The following SERINC1 variants were observed in gnomAD, a reference collection of about 807,000 sequenced individuals.
SERINC1 encodes tumor differentially expressed protein 2.
SERINC1 carries 38 observed loss-of-function variants against 52.9 expected under a neutral mutation model. The ratio of observed to expected loss-of-function variants is 0.72; its 90% CI spans 0.55 to 0.94. The LOEUF (loss-of-function observed/expected upper bound fraction) is 0.94, where lower values mean the gene tolerates loss of function less well. SERINC1 is among the 40% of genes least tolerant of loss of function. The pLI, the probability that SERINC1 is intolerant of heterozygous loss-of-function variation, is 0.00. For synonymous variants in SERINC1, 198 were observed against 183.1 expected, an observed-to-expected ratio of 1.08 and a Z score of -0.66; for missense variants, 471 against 533.9, an observed-to-expected ratio of 0.88 and a Z score of 1.16.
chr6:122,453,721 C>T (rs761094286), intron 5 of SERINC1, 49 bp downstream of exon 5: 22 of 1,491,772 alleles, frequency 1.5e-5, no homozygotes, highest in African/African-American at 4.2e-5. Context: ...TATCTATTCT[C>T]GACTTCAAAG....
chr6:122,464,445 G>A (rs996350626), intron 1 of SERINC1, among the ~76,000 whole-genome samples: 2 of 152,108 alleles, frequency 1.3e-5, no homozygotes, highest in Non-Finnish European at 2.9e-5. Flanking sequence ...GACTTATCTG[G>A]TTATTTAATT....
At chr6:122,457,900 A>G (rs144059772) in intron 2 of SERINC1, among the ~76,000 whole-genome samples, 2 of 151,662 alleles carry the variant, frequency 1.3e-5, no homozygotes, top group South Asian at 4.2e-4. Context: ...TCCTTCCACA[A>G]CCTGACTCTC....
chr6:122,458,445 C>A (rs1775039285), intron 2 of SERINC1, 75 bp downstream of exon 2: 1 of 954,468 alleles, frequency 1.0e-6, no homozygotes, highest in Admixed American at 2.2e-5. Context: ...TTTACAATAT[C>A]CCCGAATCAA....
chr6:122,455,351 T>A (rs1774976273), intron 3 of SERINC1, among the ~76,000 whole-genome samples: 1 of 151,854 alleles, frequency 6.6e-6, no homozygotes, highest in Non-Finnish European at 1.5e-5. Flanking sequence ...TTAATCTGGG[T>A]GGGCACCATC....
chr6:122,452,073 A>G lies in SERINC1; in HGVS notation c.590-16T>C. The stretch of plus-strand genomic sequence containing the variant: ...GATAACAAGGCTGTGAAAGAAATAT[A>G]ATTGGATAATTAGCTTTTTATCAGA... On this transcript the variant is annotated splice_polypyrimidine_tract_variant and intron_variant, in intron 5 of 9. Transcript: ENST00000339697. The G allele has an allele frequency of 7.0e-7, 1 of 1,429,758 alleles. No homozygotes were observed. The highest frequency in any genetic ancestry group is 1.5e-5 in the African/African-American group (1 of 68,030). The allele number at this position is 1,429,758 out of a possible 1,614,324, so 88.6% of individuals were successfully genotyped here. A position where few individuals can be genotyped will look rare whatever the true frequency, so the allele number is the denominator to read the frequency against.
intron 7 of SERINC1, among the ~76,000 whole-genome samples, chr6:122,448,308 A>C (rs1409780057): frequency 6.6e-6 from 1 of 152,164 alleles, no homozygotes; most frequent in Admixed American, 6.5e-5. Context: ...CTGGAAAAAA[A>C]CAGGAAATCT....
In SERINC1 at chr6:122,454,135, A is replaced by G. The variant is rs770218635; in HGVS notation, c.451+16T>C. ...ATAAAATATCAATGTCAAACAACTT[A>G]AAAAGGATTTCTTACCAGTTGTAAA... On this transcript the variant is annotated intron_variant, in intron 4 of 9. Coordinates refer to ENST00000339697, the MANE Select transcript of SERINC1 (RefSeq NM_020755.4). The G allele has an allele frequency of 1.9e-5, 28 of 1,451,998 alleles. No homozygotes were observed. The highest frequency in any genetic ancestry group is 2.7e-5 in the Non-Finnish European group (28 of 1,054,106). 89.9% of individuals were successfully genotyped at this position (1,451,998 alleles called of 1,614,324 possible).
intron 9 of SERINC1, among the ~76,000 whole-genome samples, chr6:122,445,438 G>C (rs1774773349): frequency 6.6e-6 from 1 of 151,302 alleles, no homozygotes; most frequent in Non-Finnish European, 1.5e-5. Context: ...CTTTATGCAT[G>C]TCTGCCATGT....
intron 6 of SERINC1, 64 bp from the exon 7 acceptor site, chr6:122,451,818 C>T: frequency 2.5e-6 from 2 of 788,948 alleles, no homozygotes; most frequent in Admixed American, 4.0e-5. Context: ...AATAGTCTGA[C>T]ATCATTCTAG....
At chr6:122,451,131 G>A (rs187716924) in intron 7 of SERINC1, among the ~76,000 whole-genome samples, 1 of 152,246 alleles carries the variant, frequency 6.6e-6, no homozygotes, top group Admixed American at 6.5e-5. Flanking sequence ...AAACTTCATT[G>A]TGGTCTTAGT....
intron 8 of SERINC1, 43 bp downstream of exon 8, chr6:122,447,078 T>C (rs760329741): frequency 1.9e-6 from 3 of 1,587,042 alleles, no homozygotes; most frequent in East Asian, 2.2e-5. Context: ...AATAAACAGC[T>C]AGACTTCTTG....
intron 9 of SERINC1, among the ~76,000 whole-genome samples, chr6:122,446,417 A>T (rs968008161): frequency 2.0e-5 from 3 of 152,156 alleles, no homozygotes; most frequent in Non-Finnish European, 4.4e-5. Flanking sequence ...CAGAGCTTTT[A>T]ATGACAGTTC....
At chr6:122,463,109 C>A (rs538684732) in intron 1 of SERINC1, among the ~76,000 whole-genome samples, 2 of 152,138 alleles carry the variant, frequency 1.3e-5, no homozygotes, top group East Asian at 1.9e-4. Flanking sequence ...AAAGGGTGGA[C>A]ACACTAAGTA....
At chr6:122,452,357 T>C (rs974999265) in intron 5 of SERINC1, among the ~76,000 whole-genome samples, 6 of 152,178 alleles carry the variant, frequency 3.9e-5, no homozygotes, top group African/African-American at 1.4e-4. Context: ...TGTTTACATG[T>C]TAGCCATTAT....
intron 8 of SERINC1, 32 bp downstream of exon 8, chr6:122,447,089 T>C (rs1446552767): frequency 1.3e-6 from 2 of 1,597,210 alleles, no homozygotes; most frequent in East Asian, 2.2e-5. Context: ...AGACTTCTTG[T>C]TTAAAGAAAA....
chr6:122,466,023 G>T (rs964559111), intron 1 of SERINC1, among the ~76,000 whole-genome samples: 1 of 151,992 alleles, frequency 6.6e-6, no homozygotes, highest in East Asian at 1.9e-4. Flanking sequence ...ATCACTTGAG[G>T]TCAGGAGTTC....
intron 5 of SERINC1, 134 bp downstream of exon 5, chr6:122,453,632 ACACT>A: frequency 1.7e-6 from 1 of 574,516 alleles, no homozygotes. Flanking sequence ...TGATATTTTG[ACACT>A]CACAAAGTTT....
chr6:122,456,729 TAAGTA>T lies in SERINC1; in HGVS notation c.202-84_202-80del, dbSNP rs796103876. On this transcript the variant is annotated intron_variant, in intron 2 of 9. Coordinates refer to ENST00000339697, the MANE Select transcript of SERINC1 (RefSeq NM_020755.4). ...AAAAATTACATGTAATCAAATAGTT[TAAGTA>T]AAGGTTTAGAAAACTGGCATTTGCT... The T allele has an allele frequency of 5.5e-6, 6 of 1,084,858 alleles. No individual in the cohort carries two copies. The African/African-American group carries it at 8.1e-5, about 15-fold the overall frequency. The allele number at this position is 1,084,858 out of a possible 1,614,324, so 67.2% of individuals were successfully genotyped here.
In SERINC1 at chr6:122,445,057, C is replaced by T. The variant is rs571883573; in HGVS notation, c.1349G>A (p.Arg450His). The T allele has an allele frequency of 5.0e-6, 8 of 1,612,738 alleles. No homozygotes were observed. The South Asian group carries it at 5.5e-5, about 11-fold the overall frequency. ...TAGAAGTCTCACTCAGTCAAAATCA[C>T]GATTTGTAAGAACAAGTGGTGCCAC... ...TLVAPLVLTN[R>H]DFD The change falls in exon 10 of 10, where the codon CGT (arginine) becomes CAT (histidine). Residue 450 changes from arginine (R) to histidine (H), a missense_variant. Coordinates refer to ENST00000339697, the MANE Select transcript of SERINC1 (RefSeq NM_020755.4).
Sources: gnomAD v4.1 joint callset for allele counts (sites outside exome capture counted in the v4.1 genomes callset) on GRCh38, gnomAD v4.1.1 for gene constraint, MANE v1.5 for transcripts, NCBI Gene and HGNC (gene_info 2026-07-23, HGNC 2026-07-21) for gene names.